The following CNBD1 variants were observed in gnomAD, a reference collection of about 807,000 sequenced individuals.
The protein encoded by CNBD1 is cyclic nucleotide binding domain containing 1, also known as cyclic nucleotide-binding domain-containing protein 1.
A neutral mutation model predicts 54.4 loss-of-function variants in CNBD1; 71 were observed. The ratio of observed to expected loss-of-function variants is 1.30; its 90% confidence interval spans 1.08 to 1.59. The LOEUF is 1.59. CNBD1 is among the 40% of genes most tolerant of loss of function. The pLI is 0.00. For missense variants in CNBD1, 659 were observed against 518.0 expected (o/e 1.27, Z -2.64); for synonymous variants, 182 against 170.7 (o/e 1.07, Z -0.51).
At chr8:86,904,752 A>G (rs4960929) in intron 2 of CNBD1, among the ~76,000 whole-genome samples, 47,553 of 151,876 alleles carry the variant, frequency 0.31, 7,600 homozygotes, top group East Asian at 0.42. Context: ...ACTATTTTAA[A>G]TAATTTCAGG....
intron 1 of CNBD1, among the ~76,000 whole-genome samples, chr8:86,881,094 G>T (rs1480033969): frequency 6.6e-6 from 1 of 152,178 alleles, no homozygotes; most frequent in Non-Finnish European, 1.5e-5. Flanking sequence ...AAAGCTGGCA[G>T]CATTCCTCTT....
At chr8:87,109,742 G>T (rs966429128) in intron 4 of CNBD1, among the ~76,000 whole-genome samples, 7 of 151,836 alleles carry the variant, frequency 4.6e-5, no homozygotes, top group South Asian at 2.1e-4. Context: ...GTCTCACCGT[G>T]TTAGCCAGGA....
At chr8:87,386,097 C>T (rs1010561369), downstream of CNBD1, among the ~76,000 whole-genome samples, 2 of 152,170 alleles carry the variant, frequency 1.3e-5, no homozygotes, top group Admixed American at 6.5e-5. Context: ...GACATCCACA[C>T]CAAAACCCCA....
intron 4 of CNBD1, among the ~76,000 whole-genome samples, chr8:87,090,062 C>T (rs908338755): frequency 3.0e-4 from 46 of 151,912 alleles, no homozygotes; most frequent in Non-Finnish European, 6.2e-4. Context: ...TCTGGCACAC[C>T]CTTTCAAAGA....
chr8:87,113,835 C>T (rs1357477723), intron 4 of CNBD1, among the ~76,000 whole-genome samples: 5 of 151,572 alleles, frequency 3.3e-5, no homozygotes, highest in African/African-American at 7.3e-5. Flanking sequence ...AGGAGAATGG[C>T]GTGAACCTGG....
At chr8:87,062,769 A>T (rs1394075887) in intron 4 of CNBD1, among the ~76,000 whole-genome samples, 1 of 151,908 alleles carries the variant, frequency 6.6e-6, no homozygotes, top group Admixed American at 6.6e-5. Flanking sequence ...ATTATACTTT[A>T]TTTTCTCCTT....
intron 2 of CNBD1, among the ~76,000 whole-genome samples, chr8:87,389,111 A>G (rs1053672261): frequency 6.6e-6 from 1 of 151,868 alleles, no homozygotes; most frequent in Non-Finnish European, 1.5e-5. Flanking sequence ...CAAAATTATA[A>G]GAGCTATTTA....
rs1811293197 is a variant in CNBD1, at chr8:87,095,176, A to G, written c.432-110817A>G. ...AAGCAAGGTTAATTACGTTTTCTACAGTGTCATATTTCTACAAAGTACAAA... is the reference window on the plus strand; with the variant it reads ...AAGCAAGGTTAATTACGTTTTCTACGGTGTCATATTTCTACAAAGTACAAA... On this transcript the variant is annotated intron_variant, in intron 4 of 10. Coordinates refer to ENST00000518476, the MANE Select transcript of CNBD1 (RefSeq NM_173538.3). 5.9e-5 allele frequency among the ~76,000 whole-genome samples: 9 copies of G among 152,368 alleles called. No individual in the cohort carries two copies. The South Asian group carries it at 1.9e-3, about 32-fold the overall frequency.
At chr8:87,266,436 A>AAAT (rs71503464) in intron 6 of CNBD1, among the ~76,000 whole-genome samples, 7 of 76,220 alleles carry the variant, frequency 9.2e-5, no homozygotes, top group Non-Finnish European at 1.3e-4. Context: ...AAAAAAAAAA[A>AAAT]TCTTTTTTTT....
intron 4 of CNBD1, among the ~76,000 whole-genome samples, chr8:86,953,461 T>C (rs555038510): frequency 6.6e-6 from 1 of 152,214 alleles, no homozygotes; most frequent in Non-Finnish European, 1.5e-5. Flanking sequence ...TAATTATGAT[T>C]GATAACACAA....
intron 4 of CNBD1, among the ~76,000 whole-genome samples, chr8:87,039,343 G>A (rs1810014813): frequency 6.6e-6 from 1 of 151,966 alleles, no homozygotes; most frequent in African/African-American, 2.4e-5. Context: ...TTTACTCAGT[G>A]GATCATATAT....
chr8:87,281,375 T>G (rs1808593859), intron 6 of CNBD1, among the ~76,000 whole-genome samples: 1 of 151,194 alleles, frequency 6.6e-6, no homozygotes, highest in Non-Finnish European at 1.5e-5. Flanking sequence ...ATGAACCATA[T>G]CAGCCTGACA....
chr8:87,390,034 A>C (rs184121830), intron 2 of CNBD1, among the ~76,000 whole-genome samples: 1 of 149,670 alleles, frequency 6.7e-6, no homozygotes, highest in East Asian at 1.9e-4. Flanking sequence ...CTGGGAAAAC[A>C]GGCTAGCCAT....
chr8:87,229,051 G>A (rs767574909), intron 5 of CNBD1, among the ~76,000 whole-genome samples: 9 of 152,174 alleles, frequency 5.9e-5, no homozygotes, highest in Non-Finnish European at 1.2e-4. Flanking sequence ...ATTAGGAAAG[G>A]GAACTCCCTG....
chr8:87,385,636 G>T (rs967722984), downstream of CNBD1, among the ~76,000 whole-genome samples: 1 of 152,112 alleles, frequency 6.6e-6, no homozygotes, highest in Non-Finnish European at 1.5e-5. Flanking sequence ...GAACTGGGTG[G>T]GGCCCACCGC....
chr8:86,947,095 T>C (rs944500135), intron 4 of CNBD1, among the ~76,000 whole-genome samples: 5 of 152,150 alleles, frequency 3.3e-5, no homozygotes, highest in African/African-American at 1.2e-4. Flanking sequence ...GTCTGCATGG[T>C]CACTGTTCTC....
At chr8:87,308,955 T>A (rs1238628401) in intron 8 of CNBD1, among the ~76,000 whole-genome samples, 2 of 152,168 alleles carry the variant, frequency 1.3e-5, no homozygotes, top group Non-Finnish European at 2.9e-5. Flanking sequence ...TATTCTATTA[T>A]GTATGCATGC....
At chr8:87,390,223 G>T (rs2130968438) in intron 2 of CNBD1, among the ~76,000 whole-genome samples, 1 of 152,222 alleles carries the variant, frequency 6.6e-6, no homozygotes, top group South Asian at 2.1e-4. Flanking sequence ...AAAAGTAATG[G>T]CAACAAAAGC....
intron 5 of CNBD1, among the ~76,000 whole-genome samples, chr8:87,225,132 G>A (rs1165322561): frequency 6.7e-6 from 1 of 150,262 alleles, no homozygotes; most frequent in Non-Finnish European, 1.5e-5. Flanking sequence ...ATCAGCTTAA[G>A]GAGATTTTGG....
Sources: gnomAD v4.1 joint callset for allele counts (sites outside exome capture counted in the v4.1 genomes callset) on GRCh38, gnomAD v4.1.1 for gene constraint, MANE v1.5 for transcripts, NCBI Gene and HGNC (gene_info 2026-07-23, HGNC 2026-07-21) for gene names.